The following ATRNL1 variants were observed in gnomAD, a reference collection of about 807,000 sequenced individuals.
ATRNL1 encodes the protein attractin-like protein 1.
A neutral mutation model predicts 182.7 loss-of-function variants in ATRNL1; 95 were observed. The observed-to-expected ratio is 0.52, with a 90% CI of 0.44 to 0.62. The LOEUF (loss-of-function observed/expected upper bound fraction) is 0.62, where lower values mean the gene tolerates loss of function less well. Ranked by LOEUF, ATRNL1 falls within the 20% of genes least tolerant of loss-of-function variation. The pLI is 0.00. For synonymous variants in ATRNL1, 576 were observed against 568.3 expected (o/e 1.01, Z -0.19); for missense variants, 1,471 against 1,679.5 (o/e 0.88, Z 2.17).
chr10:115,643,078 G>A (rs1859357795), intron 26 of ATRNL1, among the ~76,000 whole-genome samples: 1 of 152,114 alleles, frequency 6.6e-6, no homozygotes, highest in Non-Finnish European at 1.5e-5. Context: ...TATTGGCAAG[G>A]TTGAAAAAAC....
rs12244076 is a variant in ATRNL1, at chr10:115,628,368, A to G, written c.3795+78832A>G. Among the ~76,000 whole-genome samples the G allele has an allele frequency of 8.8e-3, 1,333 of 152,062 alleles. 23 individuals are homozygous for G. The highest frequency in any genetic ancestry group is 0.03 in the African/African-American group (1,257 of 41,484). The stretch of plus-strand genomic sequence containing the variant: ...TTTCATATGCTTCTTGGCCATTTGT[A>G]TATCTTTTTTGGAGAAACGTCTATT... On this transcript the variant is annotated intron_variant, in intron 26 of 28. Transcript: ENST00000355044.
chr10:115,775,560 CAAAT>C (rs1565368322), intron 27 of ATRNL1, among the ~76,000 whole-genome samples: 1 of 152,050 alleles, frequency 6.6e-6, no homozygotes, highest in East Asian at 1.9e-4. Context: ...CTTAAAAAGA[CAAAT>C]ATCCTATATG....
chr10:115,899,701 T>G (rs1555113265), intron 28 of ATRNL1, among the ~76,000 whole-genome samples: 1 of 152,214 alleles, frequency 6.6e-6, no homozygotes, highest in African/African-American at 2.4e-5. Context: ...TATGCAGAAT[T>G]GGTAATAGTG....
intron 19 of ATRNL1, among the ~76,000 whole-genome samples, chr10:115,366,417 C>T (rs1857041866): frequency 6.6e-6 from 1 of 152,206 alleles, no homozygotes; most frequent in South Asian, 2.1e-4. Flanking sequence ...TGTGTCTCTA[C>T]ACGTGAGATG....
chr10:115,332,418 C>T lies in ATRNL1; in HGVS notation c.3038-1864C>T, dbSNP rs144240682. ...TTCGTGGGTATAATTGTTGGAGAAA[C>T]CTATTTTGCTGTTTGCTCTGCTTCC... On this transcript the variant is annotated intron_variant, in intron 18 of 28. Transcript: ENST00000355044. 5.1e-3 allele frequency among the ~76,000 whole-genome samples: 776 copies of T among 152,182 alleles called. 7 individuals carry two copies. Among genetic ancestry groups the T allele is most frequent in the Non-Finnish European group, 9.0e-3 (612 of 68,002 alleles).
At chr10:115,427,189 A>C (rs986891317) in intron 21 of ATRNL1, among the ~76,000 whole-genome samples, 1 of 152,124 alleles carries the variant, frequency 6.6e-6, no homozygotes, top group Non-Finnish European at 1.5e-5. Flanking sequence ...ATGGTATCTA[A>C]CTCTCATTTT....
At chr10:115,859,400 T>C (rs1231548931) in intron 28 of ATRNL1, among the ~76,000 whole-genome samples, 1 of 152,022 alleles carries the variant, frequency 6.6e-6, no homozygotes, top group African/African-American at 2.4e-5. Context: ...TGTAACATGT[T>C]GCAAAACCTA....
intron 26 of ATRNL1, among the ~76,000 whole-genome samples, chr10:115,674,028 C>A (rs1945783593): frequency 6.6e-6 from 1 of 152,104 alleles, no homozygotes; most frequent in Non-Finnish European, 1.5e-5. Flanking sequence ...GCCTCCAAGT[C>A]ATCCCAACTC....
intron 21 of ATRNL1, among the ~76,000 whole-genome samples, chr10:115,460,352 G>T (rs1157067450): frequency 1.3e-5 from 2 of 151,756 alleles, no homozygotes; most frequent in East Asian, 1.9e-4. Flanking sequence ...AAGTTCCATC[G>T]CAGTCAAACC....
chr10:115,877,959 T>C (rs782409287), intron 28 of ATRNL1, among the ~76,000 whole-genome samples: 7 of 152,124 alleles, frequency 4.6e-5, no homozygotes, highest in Non-Finnish European at 8.8e-5. Context: ...GCAAATAGTG[T>C]CTCAGTATTC....
intron 8 of ATRNL1, among the ~76,000 whole-genome samples, chr10:115,186,297 C>T (rs1847938608): frequency 6.6e-6 from 1 of 151,598 alleles, no homozygotes. Flanking sequence ...GAGAACAGTT[C>T]GGAGGTTCCT....
At chr10:115,857,661 A>C (rs544634288) in intron 28 of ATRNL1, among the ~76,000 whole-genome samples, 1 of 152,342 alleles carries the variant, frequency 6.6e-6, no homozygotes, top group Non-Finnish European at 1.5e-5. Context: ...CTTTTGTGAG[A>C]AATTGATTAA....
chr10:115,865,678 T>C (rs1951424507), intron 28 of ATRNL1, among the ~76,000 whole-genome samples: 1 of 152,096 alleles, frequency 6.6e-6, no homozygotes, highest in Admixed American at 6.5e-5. Context: ...TGCCCCACAT[T>C]TTTTATTTTA....
rs191871021 is a variant in ATRNL1, at chr10:115,750,919, G to T, written c.3903+23564G>T. Among the ~76,000 whole-genome samples, 28 of 152,156 alleles carry T rather than the reference G, an allele frequency of 1.8e-4. No homozygotes were observed. In the East Asian group the frequency reaches 2.3e-3, roughly 13 times the overall value. ...TCACTGAAATTACTATTGTTTATCA[G>T]TAAGGTTGGCAAAAACACAAAAGGT... On this transcript the variant is annotated intron_variant, in intron 27 of 28. Coordinates refer to ENST00000355044, the MANE Select transcript of ATRNL1 (RefSeq NM_207303.4).
At chr10:115,192,527 T>C (rs1174704653) in intron 8 of ATRNL1, among the ~76,000 whole-genome samples, 3 of 152,128 alleles carry the variant, frequency 2.0e-5, no homozygotes, top group African/African-American at 7.2e-5. Flanking sequence ...AGTCTGGTAA[T>C]GTGATGCCTC....
intron 8 of ATRNL1, among the ~76,000 whole-genome samples, chr10:115,183,472 CAA>C (rs1469087530): frequency 2.7e-5 from 4 of 150,136 alleles, no homozygotes; most frequent in African/African-American, 9.8e-5. Context: ...AATCAAGAAA[CAA>C]GAGAGCAAGC....
chr10:115,354,750 C>T (rs992991783), intron 19 of ATRNL1, among the ~76,000 whole-genome samples: 1 of 151,994 alleles, frequency 6.6e-6, no homozygotes, highest in Non-Finnish European at 1.5e-5. Flanking sequence ...GAAAAGTTCT[C>T]TTATTACTTT....
chr10:115,664,178 A>G (rs1001018511), intron 26 of ATRNL1, among the ~76,000 whole-genome samples: 2 of 152,182 alleles, frequency 1.3e-5, no homozygotes, highest in Admixed American at 6.5e-5. Flanking sequence ...TGGCTTCTCC[A>G]GAACTTTCTA....
intron 19 of ATRNL1, among the ~76,000 whole-genome samples, chr10:115,350,103 T>A (rs1856161898): frequency 6.6e-6 from 1 of 151,962 alleles, no homozygotes; most frequent in African/African-American, 2.4e-5. Context: ...TTTGGGAGGC[T>A]GAGGTGGGCA....
Sources: gnomAD v4.1 joint callset for allele counts (sites outside exome capture counted in the v4.1 genomes callset) on GRCh38, gnomAD v4.1.1 for gene constraint, MANE v1.5 for transcripts, NCBI Gene and HGNC (gene_info 2026-07-23, HGNC 2026-07-21) for gene names.